LPAR1: variants seen among roughly 807,000 people sequenced by gnomAD.
The protein encoded by LPAR1 is lysophosphatidic acid receptor 1, also known as LPA receptor 1.
LPAR1 carries 5 observed loss-of-function variants against 23.8 expected under a neutral mutation model. That is an observed-to-expected ratio of 0.21 (90% CI 0.11 to 0.44). The LOEUF (loss-of-function observed/expected upper bound fraction) is 0.44. LPAR1 is among the 20% of genes least tolerant of loss of function. The pLI is 0.99. For missense variants in LPAR1, 311 were observed against 482.8 expected (o/e 0.64, Z 3.33); for synonymous variants, 160 against 164.7 (o/e 0.97, Z 0.22).
chr9:111,031,270 G>A (rs1482313328), intron 2 of LPAR1, among the ~76,000 whole-genome samples: 2 of 151,768 alleles, frequency 1.3e-5, no homozygotes, highest in African/African-American at 4.8e-5. Context: ...TTCAAAATAA[G>A]TATTAGCCAG....
In LPAR1 at chr9:110,962,888, G is replaced by C. The variant is rs185222467; in HGVS notation, c.45+9185C>G. On this transcript the variant is annotated intron_variant, in intron 4 of 5. Transcript: ENST00000683809. ...TTAAGGCAAGGTACAGATCTTAAAAGACAGAAATCCCCTGGACTCTATGAT... is the reference window on the plus strand; with the variant it reads ...TTAAGGCAAGGTACAGATCTTAAAACACAGAAATCCCCTGGACTCTATGAT... 1.3e-4 allele frequency among the ~76,000 whole-genome samples: 20 copies of C among 152,238 alleles called. 1 individual carries two copies. The highest frequency in any genetic ancestry group is 1.3e-3 in the Admixed American group (20 of 15,298).
intron 5 of LPAR1, among the ~76,000 whole-genome samples, chr9:110,893,951 A>G (rs1166108275): frequency 2.0e-5 from 3 of 152,216 alleles, no homozygotes; most frequent in African/African-American, 7.2e-5. Context: ...GTAGATAACC[A>G]ACCCTAAATT....
At chr9:110,897,916 A>T (rs1053526725) in intron 5 of LPAR1, among the ~76,000 whole-genome samples, 12 of 152,164 alleles carry the variant, frequency 7.9e-5, no homozygotes, top group Non-Finnish European at 1.6e-4. Context: ...TTATTTCACA[A>T]GGGATACATA....
At chr9:110,896,137 A>AC (rs1170466972) in intron 5 of LPAR1, among the ~76,000 whole-genome samples, 1 of 152,210 alleles carries the variant, frequency 6.6e-6, no homozygotes, top group African/African-American at 2.4e-5. Flanking sequence ...TAATCCAGGT[A>AC]TATGATGCTA....
At chr9:110,998,020 A>T (rs2097052674) in intron 2 of LPAR1, among the ~76,000 whole-genome samples, 2 of 152,206 alleles carry the variant, frequency 1.3e-5, no homozygotes, top group African/African-American at 4.8e-5. Flanking sequence ...TCAAACACAG[A>T]TGTATGAGCC....
chr9:110,881,928 C>A (rs1025631349), intron 5 of LPAR1, among the ~76,000 whole-genome samples: 1 of 152,198 alleles, frequency 6.6e-6, no homozygotes, highest in African/African-American at 2.4e-5. Context: ...TTTCCACTCG[C>A]TCCTCATTTA....
rs570787880 is a variant in LPAR1, at chr9:110,924,220, T to C, written c.793+17201A>G. Among the ~76,000 whole-genome samples the C allele has an allele frequency of 6.9e-4, 92 of 133,836 alleles. 1 individual carries two copies. The highest frequency in any genetic ancestry group is 2.5e-3 in the African/African-American group (87 of 35,352). The allele number at this position is 133,836 out of a possible 152,430, so 87.8% of individuals were successfully genotyped here. A position where few individuals can be genotyped will look rare whatever the true frequency, so the allele number is the denominator to read the frequency against. On this transcript the variant is annotated intron_variant, in intron 5 of 5. Transcript: ENST00000683809. Reference sequence around the variant, plus strand: ...GAAGGAATCATAAGAGATATTTATCTTAATGTTATTATAATAGCAAAAAAA... The same window carrying C: ...GAAGGAATCATAAGAGATATTTATCCTAATGTTATTATAATAGCAAAAAAA...
chr9:110,990,144 T>A (rs2096868205), intron 2 of LPAR1, among the ~76,000 whole-genome samples: 1 of 152,048 alleles, frequency 6.6e-6, no homozygotes, highest in South Asian at 2.1e-4. Context: ...AATAAACAAA[T>A]CCACAAATAT....
At chr9:110,911,962 A>T (rs1329194435) in intron 5 of LPAR1, among the ~76,000 whole-genome samples, 1 of 152,224 alleles carries the variant, frequency 6.6e-6, no homozygotes, top group African/African-American at 2.4e-5. Flanking sequence ...GGCCAGCCGG[A>T]AAGCAGAAAG....
intron 2 of LPAR1, among the ~76,000 whole-genome samples, chr9:111,017,057 C>T (rs750125855): frequency 6.6e-6 from 1 of 152,168 alleles, no homozygotes; most frequent in Non-Finnish European, 1.5e-5. Flanking sequence ...GAAGAGTTGT[C>T]CCCCCTGGTT....
intron 5 of LPAR1, among the ~76,000 whole-genome samples, chr9:110,890,548 G>C (rs1027162596): frequency 1.3e-5 from 2 of 152,186 alleles, no homozygotes; most frequent in Non-Finnish European, 2.9e-5. Context: ...GGGATGAAAA[G>C]CTTCTTTGTT....
At chr9:110,968,375 CA>C (rs1160086018) in intron 4 of LPAR1, among the ~76,000 whole-genome samples, 1 of 152,156 alleles carries the variant, frequency 6.6e-6, no homozygotes, top group Non-Finnish European at 1.5e-5. Context: ...TTTACAATCT[CA>C]TGCCCCACTG....
chr9:110,933,943 T>A (rs1297090817), intron 5 of LPAR1, among the ~76,000 whole-genome samples: 2 of 152,208 alleles, frequency 1.3e-5, no homozygotes, highest in Non-Finnish European at 2.9e-5. Context: ...AGAGCTGGTG[T>A]TTGAAAGTTG....
intron 4 of LPAR1, among the ~76,000 whole-genome samples, chr9:110,965,819 C>T (rs1427736792): frequency 6.6e-6 from 1 of 152,212 alleles, no homozygotes; most frequent in Non-Finnish European, 1.5e-5. Context: ...AAGACACATG[C>T]ACACGCATGT....
intron 5 of LPAR1, among the ~76,000 whole-genome samples, chr9:110,939,821 T>C (rs1291633275): frequency 3.9e-5 from 6 of 152,194 alleles, no homozygotes; most frequent in Non-Finnish European, 5.9e-5. Context: ...CTTGTCGTAA[T>C]AGAAAAAGTT....
rs1229895954 is a variant in LPAR1 at position 111,038,087 on chromosome 9, T to A, written c.-262+80A>T. 1 of 151,492 alleles carries A rather than the reference T, an allele frequency of 6.6e-6. No homozygotes were observed. The allele number at this position is 151,492 out of a possible 1,614,324, so 9.4% of individuals were successfully genotyped here. On this transcript the variant is annotated intron_variant, in intron 1 of 5. Coordinates refer to ENST00000683809, the MANE Select transcript of LPAR1 (RefSeq NM_001351411.2). The surrounding 1 kb of genome is among the most constrained non-coding windows in gnomAD (Gnocchi z 4.4). The stretch of plus-strand genomic sequence containing the variant: ...GACAGTGTGAGCCCAGCGCGCCGTG[T>A]GGCGGGCCGAGCAGTCGCCGCGGCC...
At chr9:110,985,560 A>T (rs2096762572) in intron 2 of LPAR1, among the ~76,000 whole-genome samples, 1 of 152,072 alleles carries the variant, frequency 6.6e-6, no homozygotes, top group South Asian at 2.1e-4. Context: ...TCAGGTCATG[A>T]TGGGCCAGGT....
At chr9:110,945,081 T>A (rs1356140621) in intron 4 of LPAR1, among the ~76,000 whole-genome samples, 2 of 152,196 alleles carry the variant, frequency 1.3e-5, no homozygotes, top group Admixed American at 1.3e-4. Flanking sequence ...AGGACTGAAC[T>A]GATAGAGGAA....
At chr9:110,921,049 TC>T (rs1204698115) in intron 5 of LPAR1, among the ~76,000 whole-genome samples, 2 of 151,670 alleles carry the variant, frequency 1.3e-5, no homozygotes, top group African/African-American at 4.8e-5. Context: ...AGTGGGAGAA[TC>T]CCTTGAGCCC....
Sources: gnomAD v4.1 joint callset for allele counts (sites outside exome capture counted in the v4.1 genomes callset) on GRCh38, gnomAD v4.1.1 for gene constraint, Gnocchi (gnomAD v3.1) non-coding constraint, MANE v1.5 for transcripts, NCBI Gene and HGNC (gene_info 2026-07-23, HGNC 2026-07-21) for gene names.